PHC1: variants seen among roughly 807,000 people sequenced by gnomAD.
PHC1 encodes the protein polyhomeotic homolog 1, also known as polyhomeotic-like protein 1.
PHC1 carries 12 observed loss-of-function variants against 104.3 expected under a neutral mutation model. The observed-to-expected ratio is 0.12, with a 90% CI of 0.07 to 0.19. PHC1 has a LOEUF of 0.19. Among genes scored for constraint, PHC1 ranks in the 10% least tolerant of loss-of-function variants. PHC1 has a pLI of 1.00. For missense variants in PHC1, 671 were observed against 1,200.0 expected, an observed-to-expected ratio of 0.56 and a Z score of 6.51; for synonymous variants, 302 against 455.8, an observed-to-expected ratio of 0.66 and a Z score of 4.30.
At chr12:8,923,526 A>C (rs1164576033) in intron 6 of PHC1, among the ~76,000 whole-genome samples, 1 of 152,172 alleles carries the variant, frequency 6.6e-6, no homozygotes, top group Non-Finnish European at 1.5e-5. Context: ...AACCAACTGC[A>C]GATTGAAAAT....
intron 1 of PHC1, chr12:8,915,068 A>T (rs1404249081): frequency 2.0e-5 from 3 of 152,074 alleles, no homozygotes; most frequent in African/African-American, 7.3e-5. Flanking sequence ...CTGACTGCTC[A>T]TTTTCTTATT....
chr12:8,935,168 G>T lies in PHC1; in HGVS notation c.2298G>T (p.Gln766His). 1 of 1,593,426 alleles carries T rather than the reference G, an allele frequency of 6.3e-7. No homozygotes were observed. The highest frequency in any genetic ancestry group is 8.6e-7 in the Non-Finnish European group (1 of 1,167,158). Residue 766 changes from glutamine to histidine, a missense_variant, in exon 11 of 15, where the codon CAG (glutamine) becomes CAT (histidine). Around this residue, in one of 9 missense-constraint regions of PHC1, gnomAD observed 192 missense variants for 280.5 expected, o/e 0.68. Coordinates refer to ENST00000544916, the MANE Select transcript of PHC1 (RefSeq NM_004426.3). ...TGAAGGAGTCTGAGAAGCCACTACA[G>T]ACTGGCCTTCCGACAGGGCTGACTG... Reference protein sequence around the residue: ...QLLKESEKPLQTGLPTGLTEN... With the variant: ...QLLKESEKPLHTGLPTGLTEN...
Position 8,919,796 on chromosome 12 carries a change from A to G in PHC1, c.155A>G (p.Tyr52Cys), listed in dbSNP as rs746070983. The G allele has an allele frequency of 6.2e-7, 1 of 1,612,750 alleles. No homozygotes were observed. The highest frequency in any genetic ancestry group is 1.1e-5 in the South Asian group (1 of 90,788). The change falls in exon 3 of 15, where the codon TAT becomes TGT. Residue 52 changes from tyrosine (Y) to cysteine (C), a missense_variant. Transcript: ENST00000544916. The surrounding 1 kb of genome is among the most constrained non-coding windows in gnomAD (Gnocchi z 4.9). Reference sequence around the variant, plus strand: ...CAGCGGCAGCCCAATGCAGCTCAGTATTTCCACCAGTTCATGCTCCAGCAG... The same window carrying G: ...CAGCGGCAGCCCAATGCAGCTCAGTGTTTCCACCAGTTCATGCTCCAGCAG... The part of the protein sequence containing the change: ...ALQRQPNAAQ[Y>C]FHQFMLQQQL...
chr12:8,916,381 A>G (rs956233546), intron 1 of PHC1, among the ~76,000 whole-genome samples: 1 of 152,228 alleles, frequency 6.6e-6, no homozygotes, highest in Admixed American at 6.5e-5. Flanking sequence ...TGTTGACAAC[A>G]CTTAGCAGAA....
In PHC1 at chr12:8,939,286, T is replaced by C; in HGVS notation, c.2861-19T>C. The C allele has an allele frequency of 6.2e-7, 1 of 1,614,170 alleles. No homozygotes were observed. The highest frequency in any genetic ancestry group is 1.1e-5 in the South Asian group (1 of 91,070). The stretch of plus-strand genomic sequence containing the variant: ...CCTATCATCTGGCATTACCTACATG[T>C]TCTCACCATTTCTTCTAGGCTGCCA... On this transcript the variant is annotated intron_variant, in intron 14 of 14. Transcript: ENST00000544916.
chr12:8,913,871 G>A (rs1945117130), upstream of PHC1: 2 of 152,206 alleles, frequency 1.3e-5, no homozygotes, highest in South Asian at 4.1e-4. Flanking sequence ...GTTACATTAG[G>A]TTGCTGCTTT....
Position 8,937,910 on chromosome 12 carries a change from G to A in PHC1, c.2710G>A (p.Val904Ile). 6.2e-7 allele frequency: 1 copy of A among 1,608,606 alleles called. No homozygotes were observed. The change falls in exon 14 of 15, where the codon GTA becomes ATA. Residue 904 changes from valine to isoleucine, a missense_variant. Physicochemically the swap from Val to Ile is conservative, Grantham distance 29. Around this residue, in one of 9 missense-constraint regions of PHC1, gnomAD observed 192 missense variants for 280.5 expected, o/e 0.68. Coordinates refer to ENST00000544916, the MANE Select transcript of PHC1 (RefSeq NM_004426.3). ...LSPTSPGPLS[V>I]RAGHGERDLG... ...TCCAACATCTCCTGGGCCTTTATCAGTAAGAGCTGGGCATGGAGAACGTGA... is the reference window on the plus strand; with the variant it reads ...TCCAACATCTCCTGGGCCTTTATCAATAAGAGCTGGGCATGGAGAACGTGA...
intron 7 of PHC1, among the ~76,000 whole-genome samples, chr12:8,932,094 CTG>C (rs1168029283): frequency 6.6e-6 from 1 of 152,180 alleles, no homozygotes; most frequent in Admixed American, 6.5e-5. Flanking sequence ...ATCTTTAACT[CTG>C]TGGGTATCTC....
intron 1 of PHC1, chr12:8,915,098 T>G (rs1945162668): frequency 6.6e-6 from 1 of 152,652 alleles, no homozygotes; most frequent in African/African-American, 2.4e-5. Flanking sequence ...TTCTCTGACT[T>G]TGGTCCTTCC....
intron 7 of PHC1, among the ~76,000 whole-genome samples, chr12:8,931,708 T>C (rs1225399999): frequency 6.6e-6 from 1 of 152,164 alleles, no homozygotes; most frequent in East Asian, 1.9e-4. Flanking sequence ...AGTTTATACT[T>C]GCTTTCAGAC....
chr12:8,927,433 T>C (rs944815032), intron 6 of PHC1, among the ~76,000 whole-genome samples: 3 of 152,132 alleles, frequency 2.0e-5, no homozygotes, highest in African/African-American at 7.2e-5. Context: ...GGATATTATA[T>C]GCTGCTTGAG....
chr12:8,919,618 G>A lies in PHC1; in HGVS notation c.115-138G>A, dbSNP rs767222748. On this transcript the variant is annotated intron_variant, in intron 2 of 14. Transcript: ENST00000544916. This position sits in a 1 kb window ranked among gnomAD's most constrained non-coding sequence, Gnocchi z 4.9. Reference sequence around the variant, plus strand: ...CTAAAAAAATGAAGGAAAATCAGCCGTTGACGATTTAGCCCAAACTCCCAT... The same window carrying A: ...CTAAAAAAATGAAGGAAAATCAGCCATTGACGATTTAGCCCAAACTCCCAT... The A allele has an allele frequency of 8.4e-5, 68 of 811,366 alleles. No individual in the cohort carries two copies. The highest frequency in any genetic ancestry group is 3.8e-4 in the Middle Eastern group (1 of 2,658). The allele number at this position is 811,366 out of a possible 1,614,324, so 50.3% of individuals were successfully genotyped here. A position where few individuals can be genotyped will look rare whatever the true frequency, so the allele number is the denominator to read the frequency against.
intron 8 of PHC1, 52 bp downstream of exon 8, chr12:8,933,402 T>TG: frequency 6.8e-7 from 1 of 1,474,118 alleles, no homozygotes; most frequent in Non-Finnish European, 9.0e-7. Flanking sequence ...AGAGTGGACC[T>TG]GGGCTAAGTG....
At chr12:8,928,125 C>G (rs1945581575) in intron 6 of PHC1, among the ~76,000 whole-genome samples, 1 of 151,882 alleles carries the variant, frequency 6.6e-6, no homozygotes, top group Non-Finnish European at 1.5e-5. Context: ...TCCTGCTGGT[C>G]TGGAACTCCT....
Position 8,919,842 on chromosome 12 carries a change from G to C in PHC1, c.201G>C (p.Leu67=), listed in dbSNP as rs1449601229. The C allele has an allele frequency of 3.7e-6, 6 of 1,603,306 alleles. No individual in the cohort carries two copies. Among genetic ancestry groups the C allele is most frequent in the Non-Finnish European group, 5.1e-6 (6 of 1,174,204 alleles). ...AGCAGCAGCTCAGTAATGCCCAGCT[G>C]CATAGCCTGGCTGCCGTCCAGCAGG... ...MLQQQLSNAQ[L]HSLAAVQQAT... Residue 67 remains leucine, a synonymous_variant, in exon 3 of 15, where the codon CTG becomes CTC. Coordinates refer to ENST00000544916, the MANE Select transcript of PHC1 (RefSeq NM_004426.3). The surrounding 1 kb of genome is among the most constrained non-coding windows in gnomAD (Gnocchi z 4.9).
chr12:8,931,557 G>A (rs1483613653), intron 7 of PHC1, among the ~76,000 whole-genome samples: 6 of 152,086 alleles, frequency 3.9e-5, no homozygotes, highest in Admixed American at 2.0e-4. Context: ...AAAATTAGCC[G>A]GGCGTAGTGG....
chr12:8,914,741 G>T lies in PHC1; in HGVS notation c.-135G>T, dbSNP rs1202817014. 5.2e-5 allele frequency: 8 copies of T among 152,648 alleles called. No homozygotes were observed. The highest frequency in any genetic ancestry group is 1.6e-3 in the Middle Eastern group (1 of 616). The allele number at this position is 152,648 out of a possible 1,614,324, so 9.5% of individuals were successfully genotyped here. A position where few individuals can be genotyped will look rare whatever the true frequency, so the allele number is the denominator to read the frequency against. On this transcript the variant is annotated 5_prime_UTR_variant, in exon 1 of 15. Transcript: ENST00000544916. Reference sequence around the variant, plus strand: ...GGAGCCCGCCGCGGAGGCCGAGCGAGCCCCCAGCCCAGCCTGGCGACTGGG... The same window carrying T: ...GGAGCCCGCCGCGGAGGCCGAGCGATCCCCCAGCCCAGCCTGGCGACTGGG...
At position 8,930,625 on chromosome 12, in the gene PHC1, G is replaced by T. The variant is rs1294265073; in HGVS notation, c.803G>T (p.Gly268Val). 13 of 1,490,732 alleles carry T rather than the reference G, an allele frequency of 8.7e-6. No individual in the cohort carries two copies. Among genetic ancestry groups the T allele is most frequent in the Admixed American group, 2.1e-5 (1 of 47,860 alleles). 92.3% of individuals were successfully genotyped at this position (1,490,732 alleles called of 1,614,324 possible). The change falls in exon 7 of 15, where the codon GGT becomes GTT. Residue 268 changes from glycine to valine, a missense_variant. By Grantham distance (109) the Gly-to-Val change is moderately radical. This residue lies in a region of PHC1 where 237 missense variants were observed against 331.1 expected (regional missense o/e 0.72). Transcript: ENST00000544916. ...TNQSLNLSQA[G>V]GGSGNSIPGS... The stretch of plus-strand genomic sequence containing the variant: ...CAGTCCCTCAACCTTAGTCAAGCTG[G>T]TGGAGGCAGTGGGAATAGCATCCCA...
At position 8,940,268 on chromosome 12, in the gene PHC1, A is replaced by ATAT. The variant is rs1945972059; in HGVS notation, c.*811_*813dup. The ATAT allele has an allele frequency of 6.2e-6, 1 of 160,622 alleles. No individual in the cohort carries two copies. The highest frequency in any genetic ancestry group is 2.4e-5 in the African/African-American group (1 of 40,850). 9.9% of individuals were successfully genotyped at this position (160,622 alleles called of 1,614,324 possible). A position where few individuals can be genotyped will look rare whatever the true frequency, so the allele number is the denominator to read the frequency against. Reference sequence around the variant, plus strand: ...ATTCCTTATATAACAAAAATATTAAATATTTTTTTCCTCAGTAAAAGGATG... The same window carrying ATAT: ...ATTCCTTATATAACAAAAATATTAAATATTATTTTTTTCCTCAGTAAAAGGATG... On this transcript the variant is annotated 3_prime_UTR_variant, in exon 15 of 15. Transcript: ENST00000544916.
Sources: gnomAD v4.1 joint callset for allele counts (sites outside exome capture counted in the v4.1 genomes callset) on GRCh38, gnomAD v4.1.1 for gene constraint, gnomAD v4.1.1 regional missense constraint, Gnocchi (gnomAD v3.1) non-coding constraint, MANE v1.5 for transcripts, NCBI Gene and HGNC (gene_info 2026-07-23, HGNC 2026-07-21) for gene names.